Variants in POFUT3 observed in about 807,000 individuals in gnomAD.
POFUT3 encodes the protein GDP-fucose protein O-fucosyltransferase 3.
chr8:33,344,473 C>T, the POFUT3 span, among the ~76,000 whole-genome samples: 1 of 152,210 alleles, frequency 6.6e-6, no homozygotes, highest in African/African-American at 2.4e-5. Flanking sequence ...TTGAGTGAAA[C>T]TTGTGATAAC....
the POFUT3 span, among the ~76,000 whole-genome samples, chr8:33,419,617 T>C: frequency 6.6e-6 from 1 of 152,178 alleles, no homozygotes; most frequent in Non-Finnish European, 1.5e-5. Flanking sequence ...TTAAATGCCA[T>C]GACTCCCTGA....
At chr8:33,433,607 G>A in the POFUT3 span, among the ~76,000 whole-genome samples, 2 of 102,540 alleles carry the variant, frequency 2.0e-5, no homozygotes, top group East Asian at 2.7e-4. Flanking sequence ...GTGAGACTTC[G>A]TCTCAAAAAA....
At chr8:33,389,039 T>A in the POFUT3 span, 1 of 1,614,220 alleles carries the variant, frequency 6.2e-7, no homozygotes, top group Middle Eastern at 1.6e-4. Flanking sequence ...ATTGTCCTGG[T>A]TGACGTCTTG....
the POFUT3 span, among the ~76,000 whole-genome samples, chr8:33,309,165 A>AT: frequency 2.8e-5 from 2 of 71,108 alleles, no homozygotes; most frequent in Admixed American, 1.6e-4. Flanking sequence ...AAAAAAAAAA[A>AT]AAATATATAT....
the POFUT3 span, chr8:33,371,561 A>G: frequency 1.3e-5 from 2 of 152,210 alleles, no homozygotes; most frequent in Non-Finnish European, 2.9e-5. Context: ...AGTATCATCT[A>G]GAAACCTCCC....
the POFUT3 span, among the ~76,000 whole-genome samples, chr8:33,385,618 A>C: frequency 6.6e-6 from 1 of 152,162 alleles, no homozygotes; most frequent in Non-Finnish European, 1.5e-5. Context: ...GCAGTGGCTC[A>C]CACCTGTAAT....
chr8:33,362,104 G>A, the POFUT3 span, among the ~76,000 whole-genome samples: 2 of 152,000 alleles, frequency 1.3e-5, no homozygotes, highest in Non-Finnish European at 2.9e-5. Context: ...AGAGAGTATG[G>A]GCCAATATTC....
the POFUT3 span, among the ~76,000 whole-genome samples, chr8:33,380,040 G>GT: frequency 1.3e-3 from 78 of 59,380 alleles, 9 homozygotes; most frequent in African/African-American, 7.1e-3. Context: ...ATATATATAC[G>GT]ATATATATAC....
chr8:33,381,127 A>T, the POFUT3 span, among the ~76,000 whole-genome samples: 1 of 152,168 alleles, frequency 6.6e-6, no homozygotes, highest in Non-Finnish European at 1.5e-5. Context: ...ACAGAGGAAG[A>T]CCCTGTCTCA....
At chr8:33,437,452 C>A in the POFUT3 span, among the ~76,000 whole-genome samples, 1 of 151,158 alleles carries the variant, frequency 6.6e-6, no homozygotes, top group Admixed American at 6.6e-5. Context: ...GAAAAAAAAA[C>A]CATATAAATG....
the POFUT3 span, among the ~76,000 whole-genome samples, chr8:33,393,359 G>C: frequency 6.6e-6 from 1 of 152,142 alleles, no homozygotes; most frequent in South Asian, 2.1e-4. Context: ...AAACGTATTC[G>C]TTCCTTTAAA....
At chr8:33,376,032 A>C in the POFUT3 span, among the ~76,000 whole-genome samples, 1 of 151,824 alleles carries the variant, frequency 6.6e-6, no homozygotes, top group African/African-American at 2.4e-5. Flanking sequence ...GAAAAAAAAA[A>C]AACAACAGGA....
chr8:33,430,575 A>G, the POFUT3 span, among the ~76,000 whole-genome samples: 1 of 152,178 alleles, frequency 6.6e-6, no homozygotes, highest in African/African-American at 2.4e-5. Flanking sequence ...CTCACAGAGA[A>G]AATTTAAAGA....
the POFUT3 span, among the ~76,000 whole-genome samples, chr8:33,359,787 C>T: frequency 2.0e-5 from 3 of 151,728 alleles, no homozygotes; most frequent in East Asian, 5.9e-4. Context: ...GGGCAGATCA[C>T]CTGAGGTCAG....
chr8:33,325,589 C>A, the POFUT3 span, among the ~76,000 whole-genome samples: 11 of 152,242 alleles, frequency 7.2e-5, no homozygotes, highest in South Asian at 1.0e-3. Flanking sequence ...GATTTCTCTA[C>A]CACAAAGGGC....
the POFUT3 span, among the ~76,000 whole-genome samples, chr8:33,315,310 A>G: frequency 2.6e-5 from 4 of 152,224 alleles, no homozygotes; most frequent in Non-Finnish European, 5.9e-5. Context: ...TAACAAGGCT[A>G]TAAGCAGTCA....
chr8:33,443,642 G>C, the POFUT3 span, among the ~76,000 whole-genome samples: 4 of 152,106 alleles, frequency 2.6e-5, no homozygotes, highest in Non-Finnish European at 4.4e-5. Context: ...ACAGATGCCT[G>C]CCACCATGCC....
the POFUT3 span, among the ~76,000 whole-genome samples, chr8:33,375,417 C>T: frequency 2.6e-5 from 4 of 152,166 alleles, no homozygotes; most frequent in African/African-American, 9.7e-5. Context: ...ACAATGAGCA[C>T]AGATAGGAGT....
chr8:33,415,234 C>A, the POFUT3 span, among the ~76,000 whole-genome samples: 1 of 152,190 alleles, frequency 6.6e-6, no homozygotes, highest in South Asian at 2.1e-4. Flanking sequence ...TACACTCCAG[C>A]CTGTGCAACA....
Sources: allele counts gnomAD v4.1 joint callset (sites outside exome capture counted in the v4.1 genomes callset), GRCh38; gene constraint gnomAD v4.1.1; transcripts MANE v1.5; gene names NCBI Gene and HGNC (gene_info 2026-07-23, HGNC 2026-07-21).